Variants in CDKAL1 observed in about 807,000 individuals in gnomAD.
CDKAL1 encodes the protein CDKAL1 threonylcarbamoyladenosine tRNA methylthiotransferase, also known as threonylcarbamoyladenosine tRNA methylthiotransferase.
CDKAL1 carries 32 observed loss-of-function variants against 68.2 expected under a neutral mutation model. The ratio of observed to expected loss-of-function variants is 0.47; its 90% CI spans 0.35 to 0.63. The LOEUF (loss-of-function observed/expected upper bound fraction) is 0.63. Ranked by LOEUF, CDKAL1 falls within the 30% of genes least tolerant of loss-of-function variation. CDKAL1 has a pLI of 0.00. For synonymous variants in CDKAL1, 234 were observed against 244.3 expected, an observed-to-expected ratio of 0.96 and a Z score of 0.39; for missense variants, 606 against 696.7, an observed-to-expected ratio of 0.87 and a Z score of 1.47.
chr6:20,825,819 T>TTGG (rs1434529201), intron 8 of CDKAL1, among the ~76,000 whole-genome samples: 1 of 152,146 alleles, frequency 6.6e-6, no homozygotes, highest in Non-Finnish European at 1.5e-5. Context: ...ATTGCCAGAT[T>TTGG]CTAAATATGG....
chr6:21,131,832 C>T (rs1242288486), intron 13 of CDKAL1, among the ~76,000 whole-genome samples: 2 of 152,084 alleles, frequency 1.3e-5, no homozygotes, highest in Non-Finnish European at 2.9e-5. Context: ...TAGTTTACTT[C>T]TTTCAAATAA....
At chr6:21,100,975 AT>A (rs1248335619) in intron 12 of CDKAL1, among the ~76,000 whole-genome samples, 5 of 152,094 alleles carry the variant, frequency 3.3e-5, no homozygotes, top group African/African-American at 1.2e-4. Context: ...CTTTCCATTT[AT>A]TTTTCAGAAG....
chr6:21,055,692 G>A (rs1288448702), intron 11 of CDKAL1, among the ~76,000 whole-genome samples: 3 of 152,136 alleles, frequency 2.0e-5, no homozygotes, highest in African/African-American at 4.8e-5. Context: ...CCCTGCAAAG[G>A]ACTTGATCTC....
intron 8 of CDKAL1, among the ~76,000 whole-genome samples, chr6:20,838,542 A>T (rs1432755716): frequency 6.6e-6 from 1 of 152,248 alleles, no homozygotes; most frequent in Admixed American, 6.5e-5. Context: ...TATGTACTTT[A>T]TGGTTGACGG....
At chr6:20,596,512 C>T (rs1765831521) in intron 4 of CDKAL1, among the ~76,000 whole-genome samples, 2 of 152,168 alleles carry the variant, frequency 1.3e-5, no homozygotes, top group African/African-American at 4.8e-5. Context: ...CATCCCTCCC[C>T]ACACCAAGCT....
At chr6:20,641,579 T>C (rs1768176117) in intron 4 of CDKAL1, among the ~76,000 whole-genome samples, 1 of 152,238 alleles carries the variant, frequency 6.6e-6, no homozygotes, top group Admixed American at 6.5e-5. Flanking sequence ...CTTTTTCCTT[T>C]GTAAAACACA....
chr6:21,100,134 A>G (rs1265228135), intron 12 of CDKAL1, among the ~76,000 whole-genome samples: 1 of 152,114 alleles, frequency 6.6e-6, no homozygotes, highest in African/African-American at 2.4e-5. Context: ...CCCTGTGAAA[A>G]TGAGAGGCTG....
intron 9 of CDKAL1, among the ~76,000 whole-genome samples, chr6:20,887,852 T>C (rs1761163196): frequency 1.3e-5 from 2 of 151,296 alleles, no homozygotes; most frequent in African/African-American, 4.8e-5. Context: ...GGTATGATCA[T>C]AGCTCACTGC....
intron 4 of CDKAL1, among the ~76,000 whole-genome samples, chr6:20,598,069 A>G: frequency 6.6e-6 from 1 of 152,162 alleles, no homozygotes; most frequent in Non-Finnish European, 1.5e-5. Context: ...TGAGGTGGTT[A>G]TGGCAGCTGG....
intron 10 of CDKAL1, among the ~76,000 whole-genome samples, chr6:20,981,911 C>T (rs1766170861): frequency 6.6e-6 from 1 of 152,194 alleles, no homozygotes; most frequent in Admixed American, 6.5e-5. Flanking sequence ...GCATATTACA[C>T]ATTTTGTTAG....
chr6:21,132,304 C>G (rs1185533455), intron 13 of CDKAL1, among the ~76,000 whole-genome samples: 1 of 151,860 alleles, frequency 6.6e-6, no homozygotes, highest in East Asian at 1.9e-4. Context: ...AGATTAATAC[C>G]CAGCTGATAA....
intron 13 of CDKAL1, among the ~76,000 whole-genome samples, chr6:21,137,947 G>A (rs1775699733): frequency 1.3e-5 from 2 of 152,154 alleles, no homozygotes; most frequent in South Asian, 2.1e-4. Context: ...TATGCCTTGT[G>A]CTCAAAGACA....
At chr6:20,823,888 T>C (rs2150447150) in intron 8 of CDKAL1, among the ~76,000 whole-genome samples, 1 of 152,162 alleles carries the variant, frequency 6.6e-6, no homozygotes, top group East Asian at 1.9e-4. Flanking sequence ...GTCGAGATAC[T>C]AGAGTGATGT....
chr6:21,124,735 A>G (rs962536006), intron 13 of CDKAL1, among the ~76,000 whole-genome samples: 4 of 151,250 alleles, frequency 2.6e-5, no homozygotes, highest in Admixed American at 6.6e-5. Flanking sequence ...GAATTTCCTC[A>G]TCTCTCCCCA....
At chr6:20,913,066 G>A (rs934565203) in intron 9 of CDKAL1, among the ~76,000 whole-genome samples, 1 of 149,946 alleles carries the variant, frequency 6.7e-6, no homozygotes, top group Admixed American at 6.6e-5. Flanking sequence ...CTTAGGAGAT[G>A]TATCAGTCAG....
chr6:20,831,657 G>T (rs1437366164), intron 8 of CDKAL1, among the ~76,000 whole-genome samples: 2 of 152,076 alleles, frequency 1.3e-5, no homozygotes, highest in Admixed American at 1.3e-4. Context: ...TCCAACCACT[G>T]AGCTGCTCCT....
chr6:20,869,652 TA>T (rs1219706509), intron 9 of CDKAL1, among the ~76,000 whole-genome samples: 1 of 152,188 alleles, frequency 6.6e-6, no homozygotes, highest in African/African-American at 2.4e-5. Context: ...TGTAAGGAAG[TA>T]AAATTCTTAA....
intron 11 of CDKAL1, among the ~76,000 whole-genome samples, chr6:21,063,774 A>T (rs1431639752): frequency 1.3e-5 from 2 of 152,178 alleles, no homozygotes; most frequent in African/African-American, 4.8e-5. Flanking sequence ...ATTTCCAGAA[A>T]ATAAAAGGGC....
chr6:20,720,584 G>A (rs1167084135), intron 5 of CDKAL1, among the ~76,000 whole-genome samples: 5 of 151,618 alleles, frequency 3.3e-5, no homozygotes, highest in African/African-American at 4.9e-5. Context: ...TCGGCTCACG[G>A]CAACCTTTAC....
Sources: gnomAD v4.1 joint callset for allele counts (sites outside exome capture counted in the v4.1 genomes callset) on GRCh38, gnomAD v4.1.1 for gene constraint, MANE v1.5 for transcripts, NCBI Gene and HGNC (gene_info 2026-07-23, HGNC 2026-07-21) for gene names.